The following RAB2A variants were observed in gnomAD, a reference collection of about 807,000 sequenced individuals.
RAB2A encodes RAB2A, member RAS oncogene family.
RAB2A carries 7 observed loss-of-function variants against 32.5 expected under a neutral mutation model. The observed-to-expected ratio is 0.22, with a 90% CI of 0.12 to 0.40. The LOEUF is 0.40. RAB2A is among the 10% of genes least tolerant of loss of function. The pLI is 1.00. For missense variants in RAB2A, 108 were observed against 260.7 expected (o/e 0.41, Z 4.03); for synonymous variants, 79 against 85.2 (o/e 0.93, Z 0.40).
At chr8:60,591,807 CT>C in intron 5 of RAB2A, 50 bp from the exon 6 acceptor site, 1 of 1,172,924 alleles carries the variant, frequency 8.5e-7, no homozygotes, top group Non-Finnish European at 1.3e-6. Context: ...ACAAATGCTT[CT>C]GTTTGTACCA....
rs1445345734 is a variant in RAB2A, at chr8:60,558,935, A to G, written c.118+12A>G. 3 of 1,593,886 alleles carry G rather than the reference A, an allele frequency of 1.9e-6. No individual in the cohort carries two copies. Among genetic ancestry groups the G allele is most frequent in the African/African-American group, 1.3e-5 (1 of 74,398 alleles). On this transcript the variant is annotated intron_variant, in intron 2 of 7. Transcript: ENST00000262646. Reference sequence around the variant, plus strand: ...TGACCTTACTATTGGTAAGTTTTATAAAAGGGATGAGAAGCACTAAAAGTT... The same window carrying G: ...TGACCTTACTATTGGTAAGTTTTATGAAAGGGATGAGAAGCACTAAAAGTT...
At chr8:60,517,359 T>TC in intron 1 of RAB2A, 106 bp downstream of exon 1, 1 of 1,072,396 alleles carries the variant, frequency 9.3e-7, no homozygotes, top group South Asian at 2.1e-5. Flanking sequence ...ACCCGGCGCC[T>TC]CCCTCCTGGC....
chr8:60,565,963 T>C (rs1808106798), intron 2 of RAB2A, among the ~76,000 whole-genome samples: 1 of 152,162 alleles, frequency 6.6e-6, no homozygotes, highest in Admixed American at 6.6e-5. Flanking sequence ...TCCACCCGCC[T>C]CGGCCTCCCA....
chr8:60,569,574 G>A (rs980506282), intron 2 of RAB2A, among the ~76,000 whole-genome samples: 8 of 152,124 alleles, frequency 5.3e-5, no homozygotes, highest in Non-Finnish European at 1.0e-4. Context: ...GCAGTGGCAC[G>A]ATCATGGCTC....
chr8:60,622,800 G>A lies in RAB2A; in HGVS notation c.*2031G>A, dbSNP rs1804549575. On this transcript the variant is annotated 3_prime_UTR_variant, in exon 8 of 8. Transcript: ENST00000262646. Reference sequence around the variant, plus strand: ...ACCACCCTAATGTGCCTCAGTCTGGGGCAGCAGGTGGACTTCTCAATAGTT... The same window carrying A: ...ACCACCCTAATGTGCCTCAGTCTGGAGCAGCAGGTGGACTTCTCAATAGTT... 1 of 152,088 alleles carries A rather than the reference G, an allele frequency of 6.6e-6. No homozygotes were observed. Among genetic ancestry groups the A allele is most frequent in the South Asian group, 2.1e-4 (1 of 4,814 alleles). 9.4% of individuals were successfully genotyped at this position (152,088 alleles called of 1,614,324 possible). A position where few individuals can be genotyped will look rare whatever the true frequency, so the allele number is the denominator to read the frequency against.
At position 60,565,014 on chromosome 8, in the gene RAB2A, C is replaced by T. The variant is rs560510765; in HGVS notation, c.118+6091C>T. ...AGGCACAGCCCACTAATTCCCACTA[C>T]ATTTATTTCACTACCTACAAATGGA... On this transcript the variant is annotated intron_variant, in intron 2 of 7. Coordinates refer to ENST00000262646, the MANE Select transcript of RAB2A (RefSeq NM_002865.3). Among the ~76,000 whole-genome samples, 18 of 152,364 alleles carry T rather than the reference C, an allele frequency of 1.2e-4. No individual in the cohort carries two copies. The South Asian group carries it at 2.3e-3, about 19-fold the overall frequency.
At chr8:60,568,293 A>G (rs902241395) in intron 2 of RAB2A, among the ~76,000 whole-genome samples, 3 of 152,250 alleles carry the variant, frequency 2.0e-5, no homozygotes, top group African/African-American at 7.2e-5. Context: ...TACCTAGGTA[A>G]GGAGCCACAT....
At chr8:60,578,577 A>G (rs1229333257) in intron 3 of RAB2A, among the ~76,000 whole-genome samples, 2 of 152,234 alleles carry the variant, frequency 1.3e-5, no homozygotes, top group South Asian at 2.1e-4. Context: ...AAGATTTTGA[A>G]TAAGAAAAAA....
At chr8:60,577,615 T>C (rs1432877244) in intron 3 of RAB2A, among the ~76,000 whole-genome samples, 2 of 150,928 alleles carry the variant, frequency 1.3e-5, no homozygotes, top group African/African-American at 4.8e-5. Flanking sequence ...AGTTCCTTGA[T>C]AGAGGTCTAA....
At chr8:60,591,435 T>G (rs2130853711) in intron 5 of RAB2A, among the ~76,000 whole-genome samples, 1 of 152,260 alleles carries the variant, frequency 6.6e-6, no homozygotes, top group East Asian at 1.9e-4. Context: ...AACAATTTCC[T>G]GTAGTTTCTG....
intron 1 of RAB2A, among the ~76,000 whole-genome samples, chr8:60,556,251 T>C (rs755252139): frequency 2.6e-5 from 4 of 152,088 alleles, no homozygotes; most frequent in Non-Finnish European, 4.4e-5. Flanking sequence ...GGTTGGGTAA[T>C]AGGTACAAAA....
intron 1 of RAB2A, among the ~76,000 whole-genome samples, chr8:60,549,001 G>A (rs1248920607): frequency 2.6e-5 from 4 of 151,262 alleles, no homozygotes; most frequent in East Asian, 2.0e-4. Flanking sequence ...CATCCCGGAC[G>A]GGGCGGCAGG....
At chr8:60,573,041 G>C (rs1349088111) in intron 3 of RAB2A, among the ~76,000 whole-genome samples, 1 of 150,424 alleles carries the variant, frequency 6.6e-6, no homozygotes, top group Non-Finnish European at 1.5e-5. Flanking sequence ...TACGTATGTT[G>C]TTTAATTGAA....
At chr8:60,539,683 A>G (rs145092921) in intron 1 of RAB2A, among the ~76,000 whole-genome samples, 28 of 152,362 alleles carry the variant, frequency 1.8e-4, no homozygotes, top group African/African-American at 6.5e-4. Flanking sequence ...TGTAGAATAT[A>G]ATAAGGGCTC....
intron 1 of RAB2A, among the ~76,000 whole-genome samples, chr8:60,525,963 A>ATGTC (rs1807372800): frequency 6.8e-6 from 1 of 146,590 alleles, no homozygotes; most frequent in Non-Finnish European, 1.5e-5. Context: ...ATATATGTAT[A>ATGTC]TATATGTCTA....
chr8:60,568,775 G>A (rs146529125), intron 2 of RAB2A, among the ~76,000 whole-genome samples: 21 of 152,262 alleles, frequency 1.4e-4, no homozygotes, highest in Middle Eastern at 3.4e-3. Context: ...ATGAGGTCTT[G>A]ACTTTGACTC....
intron 6 of RAB2A, among the ~76,000 whole-genome samples, chr8:60,600,118 G>C (rs1378416104): frequency 6.6e-6 from 1 of 150,726 alleles, no homozygotes; most frequent in Non-Finnish European, 1.5e-5. Flanking sequence ...GATATGAGCA[G>C]ATATTTCATT....
At chr8:60,555,306 G>A (rs1185377053) in intron 1 of RAB2A, among the ~76,000 whole-genome samples, 2 of 152,096 alleles carry the variant, frequency 1.3e-5, no homozygotes, top group Non-Finnish European at 2.9e-5. Flanking sequence ...ATTGGTCAAG[G>A]CAAAGATATT....
At chr8:60,587,563 T>A (rs573861964) in intron 5 of RAB2A, among the ~76,000 whole-genome samples, 2 of 152,318 alleles carry the variant, frequency 1.3e-5, no homozygotes, top group African/African-American at 4.8e-5. Context: ...GTTACACTAT[T>A]ATACAACATC....
Sources: gnomAD v4.1 joint callset for allele counts (sites outside exome capture counted in the v4.1 genomes callset) on GRCh38, gnomAD v4.1.1 for gene constraint, MANE v1.5 for transcripts, NCBI Gene and HGNC (gene_info 2026-07-23, HGNC 2026-07-21) for gene names.